Variants in CELSR1 observed in about 807,000 individuals in gnomAD.
CELSR1 encodes the protein adhesion G protein-coupled receptor C1.
In CELSR1, 110 loss-of-function variants were observed where a neutral mutation model predicts 249.1. The ratio of observed to expected loss-of-function variants is 0.44; its 90% CI spans 0.38 to 0.52. The LOEUF (loss-of-function observed/expected upper bound fraction) is 0.52, where lower values mean the gene tolerates loss of function less well. CELSR1 is among the 20% of genes least tolerant of loss of function. The probability of loss-of-function intolerance (pLI) is 0.00; values close to 1 mark genes in which losing one functional copy is unlikely to be tolerated. For synonymous variants in CELSR1, 2,113 were observed against 1,900.0 expected (o/e 1.11, Z -2.92); for missense variants, 4,109 against 4,296.4 (o/e 0.96, Z 1.22).
chr22:46,387,943 A>T (rs2079049486), intron 18 of CELSR1, among the ~76,000 whole-genome samples: 2 of 152,148 alleles, frequency 1.3e-5, no homozygotes, highest in Admixed American at 6.5e-5. Context: ...CGCCGTGGAC[A>T]TGTGGACAGC....
In CELSR1 at chr22:46,468,647, TG is replaced by T. The variant is rs1168336611; in HGVS notation, c.3545-4303del. On this transcript the variant is annotated intron_variant, in intron 1 of 34. Coordinates refer to ENST00000674500, the MANE Select transcript of CELSR1 (RefSeq NM_001378328.1). This position sits in a 1 kb window ranked among gnomAD's most constrained non-coding sequence, Gnocchi z 4.5. The stretch of plus-strand genomic sequence containing the variant: ...GTTTAGTGGGTGTGGGGTTTCAGTT[TG>T]GGGCCATGAAAAAGTTCTGGAGATA... Among the ~76,000 whole-genome samples the T allele has an allele frequency of 6.6e-6, 1 of 152,112 alleles. No homozygotes were observed. Among genetic ancestry groups the T allele is most frequent in the Non-Finnish European group, 1.5e-5 (1 of 68,026 alleles).
At chr22:46,452,344 A>G (rs2079895609) in intron 2 of CELSR1, among the ~76,000 whole-genome samples, 1 of 152,214 alleles carries the variant, frequency 6.6e-6, no homozygotes, top group Non-Finnish European at 1.5e-5. Context: ...CCGGGAAGAC[A>G]GCGGCATGAG....
Position 46,536,844 on chromosome 22 carries a change from C to A in CELSR1, c.327G>T (p.Thr109=). The A allele has an allele frequency of 2.4e-6, 3 of 1,229,528 alleles. No individual in the cohort carries two copies. Among genetic ancestry groups the A allele is most frequent in the Non-Finnish European group, 3.1e-6 (3 of 982,278 alleles). The allele number at this position is 1,229,528 out of a possible 1,614,324, so 76.2% of individuals were successfully genotyped here. ...CACGGGCTCCGCAGCCGGGAAGGTG[C>A]GTGCGCGCCCGCAGGCGGCGGCTCA... The part of the protein sequence containing the change: ...TALSRRLRAR[T]HLPGCGARAR... Residue 109 remains threonine (T), a synonymous_variant, in exon 1 of 35, where the codon ACG becomes ACT. Transcript: ENST00000674500.
intron 1 of CELSR1, among the ~76,000 whole-genome samples, chr22:46,482,172 T>C (rs779890533): frequency 2.0e-5 from 3 of 152,242 alleles, no homozygotes; most frequent in Non-Finnish European, 1.5e-5. Context: ...CCAGAAGCTG[T>C]GACTGCGTTA....
chr22:46,364,610 C>T lies in CELSR1; in HGVS notation c.8681G>A (p.Arg2894His), dbSNP rs147968025. ...VETKVSVELHREEQGSHRGEY... is the reference protein window; with the variant it reads ...VETKVSVELHHEEQGSHRGEY... ...TCCACGGTGACTGCCCTGCTCCTCG[C>T]GGTGCAGCTCCACGCTGACCTTGGT... is the stretch of plus-strand genomic sequence containing the variant. The change falls in exon 33 of 35, where the codon CGC becomes CAC. Residue 2894 changes from arginine (R) to histidine (H), a missense_variant. Transcript: ENST00000674500. 79 of 1,612,696 alleles carry T rather than the reference C, an allele frequency of 4.9e-5. No homozygotes were observed. The African/African-American group carries it at 5.1e-4, about 10-fold the overall frequency.
chr22:46,437,549 T>C lies in CELSR1; in HGVS notation c.4407-1260A>G, dbSNP rs935896716. Among the ~76,000 whole-genome samples the C allele has an allele frequency of 1.3e-5, 2 of 151,746 alleles. No homozygotes were observed. The highest frequency in any genetic ancestry group is 2.4e-5 in the African/African-American group (1 of 41,302). ...GGTGGGTGGATCACCTGAGGTCAGG[T>C]TGACCAGCCTGGCCAACATGGTGAA... is the stretch of plus-strand genomic sequence containing the variant. On this transcript the variant is annotated intron_variant, in intron 3 of 34. Transcript: ENST00000674500. This position sits in a 1 kb window ranked among gnomAD's most constrained non-coding sequence, Gnocchi z 4.9.
At chr22:46,524,612 G>T (rs954114249) in intron 1 of CELSR1, among the ~76,000 whole-genome samples, 2 of 151,856 alleles carry the variant, frequency 1.3e-5, no homozygotes, top group African/African-American at 4.8e-5. Context: ...AAGAGCCCCT[G>T]GCCTTCATCC....
intron 27 of CELSR1, 117 bp downstream of exon 27, chr22:46,369,062 C>T: frequency 2.2e-6 from 2 of 917,532 alleles, no homozygotes; most frequent in Non-Finnish European, 3.5e-6. Context: ...CAGGCTGCCC[C>T]CAGCCCTCCT....
In CELSR1 at chr22:46,433,746, G is replaced by A. The variant is rs1481944904; in HGVS notation, c.4523-265C>T. 4.6e-5 allele frequency among the ~76,000 whole-genome samples: 7 copies of A among 152,262 alleles called. No homozygotes were observed. Among genetic ancestry groups the A allele is most frequent in the East Asian group, 1.9e-4 (1 of 5,174 alleles). The stretch of plus-strand genomic sequence containing the variant: ...GTCGCCCAGGCTGGAGTGCAGTGGC[G>A]TGATCTCAGCTCACTGCCACCTCCG... On this transcript the variant is annotated intron_variant, in intron 4 of 34. Transcript: ENST00000674500. The surrounding 1 kb of genome is among the most constrained non-coding windows in gnomAD (Gnocchi z 5.7).
In CELSR1 at chr22:46,413,038, A is replaced by T. The variant is rs987963813; in HGVS notation, c.4612-1279T>A. On this transcript the variant is annotated intron_variant, in intron 5 of 34. Coordinates refer to ENST00000674500, the MANE Select transcript of CELSR1 (RefSeq NM_001378328.1). The surrounding 1 kb of genome is among the most constrained non-coding windows in gnomAD (Gnocchi z 4.7). ...ACCACCCCTATAAAGGATGGGTTCGATGCCTCCTCCTGATAGTTCTGGGGT... is the reference window on the plus strand; with the variant it reads ...ACCACCCCTATAAAGGATGGGTTCGTTGCCTCCTCCTGATAGTTCTGGGGT... 2.6e-5 allele frequency among the ~76,000 whole-genome samples: 4 copies of T among 152,144 alleles called. No homozygotes were observed. Among genetic ancestry groups the T allele is most frequent in the Admixed American group, 1.3e-4 (2 of 15,270 alleles).
rs1291863138 is a variant in CELSR1 at position 46,433,314 on chromosome 22, C to A, written c.4611+79G>T. 12 of 1,062,946 alleles carry A rather than the reference C, an allele frequency of 1.1e-5. No homozygotes were observed. Among genetic ancestry groups the A allele is most frequent in the Admixed American group, 2.0e-5 (1 of 48,800 alleles). 65.8% of individuals were successfully genotyped at this position (1,062,946 alleles called of 1,614,324 possible). Reference sequence around the variant, plus strand: ...CCTCTCAAAGTGCTGGGATTACAGGCGTGAGCCACTGCGCCTCGCCCCAGG... The same window carrying A: ...CCTCTCAAAGTGCTGGGATTACAGGAGTGAGCCACTGCGCCTCGCCCCAGG... On this transcript the variant is annotated intron_variant, in intron 5 of 34. Coordinates refer to ENST00000674500, the MANE Select transcript of CELSR1 (RefSeq NM_001378328.1). The surrounding 1 kb of genome is among the most constrained non-coding windows in gnomAD (Gnocchi z 5.7).
At chr22:46,478,690 G>A (rs142228640) in intron 1 of CELSR1, among the ~76,000 whole-genome samples, 3,516 of 150,420 alleles carry the variant, frequency 0.023, 115 homozygotes, top group African/African-American at 0.078. Context: ...TTACAGGTGC[G>A]TGCCACCATG....
chr22:46,410,016 G>C lies in CELSR1; in HGVS notation c.4934-136C>G. ...AGTCAGACCAGGTCTGAACGCCCCT[G>C]GCAACGGCAGGAACATGGGAACTAA... On this transcript the variant is annotated intron_variant, in intron 7 of 34. Coordinates refer to ENST00000674500, the MANE Select transcript of CELSR1 (RefSeq NM_001378328.1). The surrounding 1 kb of genome is among the most constrained non-coding windows in gnomAD (Gnocchi z 6.8). 9.2e-7 allele frequency: 1 copy of C among 1,089,946 alleles called. No individual in the cohort carries two copies. Among genetic ancestry groups the C allele is most frequent in the Non-Finnish European group, 1.3e-6 (1 of 759,130 alleles). The allele number at this position is 1,089,946 out of a possible 1,614,324, so 67.5% of individuals were successfully genotyped here.
chr22:46,533,000 A>C (rs763259030), intron 1 of CELSR1, among the ~76,000 whole-genome samples: 7 of 152,114 alleles, frequency 4.6e-5, no homozygotes, highest in Non-Finnish European at 8.8e-5. Flanking sequence ...CTTCAACAGC[A>C]CCCAAATTAC....
rs1176660966 is a variant in CELSR1, at chr22:46,526,981, C to T, written c.3544+6646G>A. ...CTCTCTCAGTTTCACTCTCATCCTC[C>T]CAGAGCCAGTTTTTTCTGGAAGGCA... On this transcript the variant is annotated intron_variant, in intron 1 of 34. Transcript: ENST00000674500. This position sits in a 1 kb window ranked among gnomAD's most constrained non-coding sequence, Gnocchi z 4.7. Among the ~76,000 whole-genome samples the T allele has an allele frequency of 6.6e-6, 1 of 152,216 alleles. No individual in the cohort carries two copies. Among genetic ancestry groups the T allele is most frequent in the African/African-American group, 2.4e-5 (1 of 41,450 alleles).
At chr22:46,444,510 T>C (rs1482965115) in intron 2 of CELSR1, among the ~76,000 whole-genome samples, 4 of 152,264 alleles carry the variant, frequency 2.6e-5, no homozygotes, top group African/African-American at 9.6e-5. Flanking sequence ...TGCCCCTCGC[T>C]GAAAAGGTCT....
In CELSR1 at chr22:46,364,350, C is replaced by A. The variant is rs62226998; in HGVS notation, c.8780-99G>T. ...GAGCCAGCCTCAGCCCCTGTCCTTC[C>A]TCCTGGTTCCCCGGGTCCCAGGGCT... On this transcript the variant is annotated intron_variant, in intron 33 of 34. Coordinates refer to ENST00000674500, the MANE Select transcript of CELSR1 (RefSeq NM_001378328.1). 3 of 1,538,238 alleles carry A rather than the reference C, an allele frequency of 2.0e-6. No individual in the cohort carries two copies. In the Admixed American group the frequency reaches 6.1e-5, roughly 31 times the overall value.
rs76867809 is a variant in CELSR1, at chr22:46,528,479, G to A, written c.3544+5148C>T. On this transcript the variant is annotated intron_variant, in intron 1 of 34. Coordinates refer to ENST00000674500, the MANE Select transcript of CELSR1 (RefSeq NM_001378328.1). ...ACACAGCAGGAGAGGCAGGGACATCGCCTTTCTCCCAAGCTCCGCATTCTG... is the reference window on the plus strand; with the variant it reads ...ACACAGCAGGAGAGGCAGGGACATCACCTTTCTCCCAAGCTCCGCATTCTG... 6.8e-3 allele frequency among the ~76,000 whole-genome samples: 1,028 copies of A among 152,186 alleles called. 15 individuals are homozygous for A. Among genetic ancestry groups the A allele is most frequent in the African/African-American group, 0.024 (990 of 41,478 alleles).
chr22:46,390,257 C>T lies in CELSR1; in HGVS notation c.6345+135G>A, dbSNP rs539213474. Reference sequence around the variant, plus strand: ...ACCTGCTGGCTCCAGGCTGCGGGCCCGTGGGGCTGTCCCTGCGCCATCCCA... The same window carrying T: ...ACCTGCTGGCTCCAGGCTGCGGGCCTGTGGGGCTGTCCCTGCGCCATCCCA... On this transcript the variant is annotated intron_variant, in intron 17 of 34. Transcript: ENST00000674500. This position sits in a 1 kb window ranked among gnomAD's most constrained non-coding sequence, Gnocchi z 6.3. 11 of 676,800 alleles carry T rather than the reference C, an allele frequency of 1.6e-5. No homozygotes were observed. The highest frequency in any genetic ancestry group is 5.6e-5 in the African/African-American group (3 of 53,616). 41.9% of individuals were successfully genotyped at this position (676,800 alleles called of 1,614,324 possible).
Sources: gnomAD v4.1 joint callset for allele counts (sites outside exome capture counted in the v4.1 genomes callset) on GRCh38, gnomAD v4.1.1 for gene constraint, Gnocchi (gnomAD v3.1) non-coding constraint, MANE v1.5 for transcripts, NCBI Gene and HGNC (gene_info 2026-07-23, HGNC 2026-07-21) for gene names.